S100Z: variants seen among roughly 807,000 people sequenced by gnomAD.
S100Z encodes protein S100-Z.
Under a neutral mutation model 8.5 loss-of-function variants are expected in S100Z, and 11 were observed. The ratio of observed to expected loss-of-function variants is 1.30; its 90% CI spans 0.82 to 2.15. The LOEUF (loss-of-function observed/expected upper bound fraction) is 2.15. S100Z is among the 30% of genes most tolerant of loss of function. The pLI, the probability that S100Z is intolerant of heterozygous loss-of-function variation, is 0.00. For missense variants in S100Z, 126 were observed against 117.9 expected, an observed-to-expected ratio of 1.07 and a Z score of -0.32; for synonymous variants, 34 against 43.8, an observed-to-expected ratio of 0.78 and a Z score of 0.89.
downstream of S100Z, among the ~76,000 whole-genome samples, chr5:76,925,948 CAG>C (rs1483894121): frequency 3.9e-5 from 6 of 152,118 alleles, no homozygotes; most frequent in African/African-American, 1.4e-4. Flanking sequence ...GCCTGGGTGA[CAG>C]AGTGAGACTC....
rs940975081 is a variant in S100Z at position 76,915,934 on chromosome 5, G to C, written c.*3-4783G>C. On this transcript the variant is annotated intron_variant, in intron 4 of 4. Coordinates refer to ENST00000317593, the MANE Select transcript of S100Z (RefSeq NM_130772.4). ...AACCCTAGCACTTTCGGAGGCCAAGGCAGGCAGATCATGAGGTTAGGATCA... is the reference window on the plus strand; with the variant it reads ...AACCCTAGCACTTTCGGAGGCCAAGCCAGGCAGATCATGAGGTTAGGATCA... 1.1e-4 allele frequency among the ~76,000 whole-genome samples: 16 copies of C among 152,188 alleles called. No homozygotes were observed. The South Asian group carries it at 3.3e-3, about 32-fold the overall frequency.
chr5:76,944,118 A>G, the S100Z span, among the ~76,000 whole-genome samples: 1 of 151,802 alleles, frequency 6.6e-6, no homozygotes, highest in Non-Finnish European at 1.5e-5. Flanking sequence ...CTGCTACCAC[A>G]CTGCAGAGCT....
intron 1 of S100Z, among the ~76,000 whole-genome samples, chr5:76,861,310 A>G (rs1371806210): frequency 6.6e-6 from 1 of 151,570 alleles, no homozygotes; most frequent in Non-Finnish European, 1.5e-5. Context: ...CTCCAGAGTG[A>G]GTGATTCAAG....
At chr5:76,868,668 G>C (rs1022371741) in intron 1 of S100Z, among the ~76,000 whole-genome samples, 5 of 140,548 alleles carry the variant, frequency 3.6e-5, no homozygotes, top group Non-Finnish European at 7.5e-5. Flanking sequence ...GCAACACCCA[G>C]GCTGGAGTGC....
intron 1 of S100Z, among the ~76,000 whole-genome samples, chr5:76,869,548 T>C (rs1032117468): frequency 6.6e-6 from 1 of 152,038 alleles, no homozygotes; most frequent in Admixed American, 6.6e-5. Context: ...GCCAGGAGCG[T>C]GGGTGTTGAT....
At chr5:76,858,352 G>A (rs1261828688) in intron 1 of S100Z, among the ~76,000 whole-genome samples, 2 of 152,214 alleles carry the variant, frequency 1.3e-5, no homozygotes, top group East Asian at 1.9e-4. Context: ...GTGAAACCCC[G>A]CCTCTATTAA....
the S100Z span, among the ~76,000 whole-genome samples, chr5:76,943,939 AGCACGGATTTTT>A: frequency 6.6e-6 from 1 of 152,156 alleles, no homozygotes; most frequent in Non-Finnish European, 1.5e-5. Context: ...CATTTTTTTC[AGCACGGATTTTT>A]GCATTAATTT....
chr5:76,878,519 A>G (rs529538283), intron 4 of S100Z, among the ~76,000 whole-genome samples: 1 of 152,176 alleles, frequency 6.6e-6, no homozygotes, highest in Non-Finnish European at 1.5e-5. Context: ...TTTCTTCCTT[A>G]TCTCACTTTC....
At chr5:76,857,788 A>C (rs1216543242) in intron 1 of S100Z, among the ~76,000 whole-genome samples, 1 of 152,174 alleles carries the variant, frequency 6.6e-6, no homozygotes, top group Non-Finnish European at 1.5e-5. Context: ...GGTATGAGCC[A>C]CCGTACCCAG....
chr5:76,877,539 A>C (rs1320411250), intron 3 of S100Z, 135 bp from the exon 4 acceptor site: 14 of 622,328 alleles, frequency 2.2e-5, no homozygotes, highest in Non-Finnish European at 3.4e-5. Flanking sequence ...CCTACCTGTA[A>C]ATAGGTTCTT....
intron 4 of S100Z, among the ~76,000 whole-genome samples, chr5:76,904,408 G>A (rs562259388): frequency 6.6e-6 from 1 of 152,154 alleles, no homozygotes; most frequent in South Asian, 2.1e-4. Flanking sequence ...AGCCTCCTGA[G>A]CAGCTGGGAT....
chr5:76,865,324 A>G (rs1200965817), intron 1 of S100Z, among the ~76,000 whole-genome samples: 1 of 146,840 alleles, frequency 6.8e-6, no homozygotes, highest in African/African-American at 2.5e-5. Flanking sequence ...GGCTCACTGC[A>G]ACCTCCGCCT....
At chr5:76,882,266 A>C (rs916927103) in intron 4 of S100Z, among the ~76,000 whole-genome samples, 1 of 152,220 alleles carries the variant, frequency 6.6e-6, no homozygotes, top group Non-Finnish European at 1.5e-5. Flanking sequence ...GCACACAGAC[A>C]TGAAGGCTAG....
At chr5:76,929,673 G>T in the S100Z span, among the ~76,000 whole-genome samples, 1 of 152,202 alleles carries the variant, frequency 6.6e-6, no homozygotes, top group Non-Finnish European at 1.5e-5. Context: ...AGCAGAGGCT[G>T]AATGTTATTA....
chr5:76,888,367 ATTTTTT>A (rs1171043164), intron 4 of S100Z, among the ~76,000 whole-genome samples: 45 of 45,430 alleles, frequency 9.9e-4, no homozygotes, highest in Non-Finnish European at 1.6e-3. Context: ...AAGTGCTGGT[ATTTTTT>A]TTTTTTTTTT....
the S100Z span, among the ~76,000 whole-genome samples, chr5:76,928,849 C>A: frequency 6.6e-6 from 1 of 152,250 alleles, no homozygotes; most frequent in African/African-American, 2.4e-5. Context: ...AAGCAATTCC[C>A]CCACCTCAGC....
At chr5:76,911,731 G>A (rs544163777) in intron 4 of S100Z, among the ~76,000 whole-genome samples, 7 of 152,280 alleles carry the variant, frequency 4.6e-5, no homozygotes, top group South Asian at 2.1e-4. Flanking sequence ...TGCCTAGATC[G>A]AAGGCCCAGC....
chr5:76,892,019 A>G (rs1291599378), intron 4 of S100Z, among the ~76,000 whole-genome samples: 3 of 152,192 alleles, frequency 2.0e-5, no homozygotes, highest in Admixed American at 6.5e-5. Context: ...ATGATTCAGA[A>G]TGAAGGAGGA....
downstream of S100Z, among the ~76,000 whole-genome samples, chr5:76,925,253 T>A (rs778771999): frequency 3.3e-5 from 5 of 152,206 alleles, no homozygotes; most frequent in Admixed American, 6.5e-5. Flanking sequence ...CACGTTCTAT[T>A]GGTCGTACAC....
Sources: allele counts gnomAD v4.1 joint callset (sites outside exome capture counted in the v4.1 genomes callset), GRCh38; gene constraint gnomAD v4.1.1; transcripts MANE v1.5; gene names NCBI Gene and HGNC (gene_info 2026-07-23, HGNC 2026-07-21).